The following DNAH9 variants were observed in gnomAD, a reference collection of about 807,000 sequenced individuals.
The protein encoded by DNAH9 is DNAH9 variant protein.
A neutral mutation model predicts 471.6 loss-of-function variants in DNAH9; 345 were observed. The observed-to-expected ratio is 0.73, with a 90% CI of 0.67 to 0.80. The LOEUF (loss-of-function observed/expected upper bound fraction) is 0.80. DNAH9 is among the 30% of genes least tolerant of loss of function. The probability of loss-of-function intolerance (pLI) is 0.00; values close to 1 mark genes in which losing one functional copy is unlikely to be tolerated. For missense variants in DNAH9, 5,407 were observed against 5,609.2 expected (o/e 0.96, Z 1.15); for synonymous variants, 2,093 against 2,123.6 (o/e 0.99, Z 0.40).
At chr17:11,885,593 T>C (rs1269516872) in intron 56 of DNAH9, among the ~76,000 whole-genome samples, 2 of 152,252 alleles carry the variant, frequency 1.3e-5, no homozygotes, top group African/African-American at 4.8e-5. Context: ...TAAATAACTA[T>C]ACTCTTATTT....
intron 61 of DNAH9, among the ~76,000 whole-genome samples, chr17:11,916,237 GC>G (rs1470703490): frequency 6.6e-6 from 1 of 152,120 alleles, no homozygotes; most frequent in Non-Finnish European, 1.5e-5. Context: ...CACGTAGTTT[GC>G]AGCTTCCTGT....
intron 60 of DNAH9, among the ~76,000 whole-genome samples, chr17:11,904,559 A>C (rs566632917): frequency 6.8e-4 from 97 of 142,796 alleles, no homozygotes; most frequent in African/African-American, 2.5e-3. Context: ...AACCTGGTGG[A>C]GGCGGATGTT....
At chr17:11,898,373 G>A (rs927534977) in intron 59 of DNAH9, among the ~76,000 whole-genome samples, 1 of 151,980 alleles carries the variant, frequency 6.6e-6, no homozygotes, top group African/African-American at 2.4e-5. Context: ...TGCCTGCCTC[G>A]GCCTCCCAAA....
At chr17:11,761,423 T>C in intron 35 of DNAH9, among the ~76,000 whole-genome samples, 1 of 152,340 alleles carries the variant, frequency 6.6e-6, no homozygotes, top group African/African-American at 2.4e-5. Flanking sequence ...TTTGATAGTT[T>C]TTGGGAGCTC....
chr17:11,900,165 T>G (rs1973359871), intron 59 of DNAH9, among the ~76,000 whole-genome samples: 1 of 151,272 alleles, frequency 6.6e-6, no homozygotes. Context: ...GTGGTGGTGC[T>G]GGGGCCAGAA....
intron 41 of DNAH9, among the ~76,000 whole-genome samples, chr17:11,792,871 G>A (rs1010396996): frequency 5.3e-5 from 8 of 152,278 alleles, no homozygotes; most frequent in South Asian, 4.2e-4. Flanking sequence ...GAAATGGGGC[G>A]TGTTTTCTCT....
chr17:11,939,472 TGG>T (rs1974826749), intron 66 of DNAH9, among the ~76,000 whole-genome samples: 1 of 152,174 alleles, frequency 6.6e-6, no homozygotes, highest in South Asian at 2.1e-4. Context: ...CAATGCTGTG[TGG>T]GACACGTGTG....
rs563814117 is a variant in DNAH9 at position 11,774,999 on chromosome 17, G to A, written c.7552+5670G>A. Among the ~76,000 whole-genome samples the A allele has an allele frequency of 2.0e-4, 30 of 152,092 alleles. 1 individual carries two copies. The East Asian group carries it at 2.9e-3, about 15-fold the overall frequency. ...CCGTCACCTCCAAACGTTTCCTCAC[G>A]TTCCTTTGTAATCCCTTCCTCCCAA... On this transcript the variant is annotated intron_variant, in intron 38 of 68. Coordinates refer to ENST00000262442, the MANE Select transcript of DNAH9 (RefSeq NM_001372.4).
chr17:11,853,923 C>G, intron 49 of DNAH9, 80 bp from the exon 50 acceptor site: 3 of 1,418,448 alleles, frequency 2.1e-6, no homozygotes, highest in Non-Finnish European at 2.9e-6. Context: ...ACCGATCGCT[C>G]CACAACCTAA....
chr17:11,701,016 G>C, intron 23 of DNAH9, 106 bp from the exon 24 acceptor site: 1 of 1,231,614 alleles, frequency 8.1e-7, no homozygotes, highest in East Asian at 2.4e-5. Flanking sequence ...TGTATACAAT[G>C]TGTGGGCTCC....
Position 11,738,792 on chromosome 17 carries a change from G to A in DNAH9, c.5815-88G>A, listed in dbSNP as rs1043238141. ...GGTCCACAGGACAGTTCTTCGTGCTGTGTGTGACTACAGGGTTCCAGCTTT... is the reference window on the plus strand; with the variant it reads ...GGTCCACAGGACAGTTCTTCGTGCTATGTGTGACTACAGGGTTCCAGCTTT... On this transcript the variant is annotated intron_variant, in intron 28 of 68. Transcript: ENST00000262442. 32 of 1,162,528 alleles carry A rather than the reference G, an allele frequency of 2.8e-5. No individual in the cohort carries two copies. In the Admixed American group the frequency reaches 3.7e-4, roughly 13 times the overall value. The allele number at this position is 1,162,528 out of a possible 1,614,324, so 72.0% of individuals were successfully genotyped here.
chr17:11,770,533 C>T (rs922516499), intron 38 of DNAH9, among the ~76,000 whole-genome samples: 2 of 152,180 alleles, frequency 1.3e-5, no homozygotes, highest in African/African-American at 4.8e-5. Flanking sequence ...CCCCCACCCG[C>T]CCTTCGATGG....
chr17:11,852,372 G>A (rs1005634995), intron 49 of DNAH9, among the ~76,000 whole-genome samples: 2 of 152,062 alleles, frequency 1.3e-5, no homozygotes, highest in Admixed American at 6.6e-5. Flanking sequence ...TACCTTTCAC[G>A]GATATTTCTT....
intron 35 of DNAH9, among the ~76,000 whole-genome samples, chr17:11,760,173 A>G (rs1967602955): frequency 6.6e-6 from 1 of 152,204 alleles, no homozygotes; most frequent in African/African-American, 2.4e-5. Context: ...GGTTGATTCC[A>G]TGACTTCGCT....
chr17:11,952,617 T>C (rs551628637), intron 67 of DNAH9, among the ~76,000 whole-genome samples: 2 of 152,252 alleles, frequency 1.3e-5, no homozygotes, highest in East Asian at 3.9e-4. Context: ...GTAGCTGTGT[T>C]TGCTAAAGAG....
At chr17:11,915,473 A>T (rs1973918843) in intron 61 of DNAH9, among the ~76,000 whole-genome samples, 1 of 152,152 alleles carries the variant, frequency 6.6e-6, no homozygotes. Flanking sequence ...GCAATGAGCC[A>T]AGATCGCACC....
At chr17:11,677,241 T>TA (rs1223267675) in intron 17 of DNAH9, among the ~76,000 whole-genome samples, 1 of 152,182 alleles carries the variant, frequency 6.6e-6, no homozygotes, top group African/African-American at 2.4e-5. Context: ...ATAATTGTAT[T>TA]AAAAATCTTC....
chr17:11,819,986 G>A (rs1970252631), intron 45 of DNAH9, among the ~76,000 whole-genome samples: 1 of 151,918 alleles, frequency 6.6e-6, no homozygotes, highest in East Asian at 1.9e-4. Flanking sequence ...ATGATAACAA[G>A]AAAACACAAT....
chr17:11,778,350 A>G (rs1264350498), intron 38 of DNAH9, among the ~76,000 whole-genome samples: 56 of 147,292 alleles, frequency 3.8e-4, no homozygotes, highest in African/African-American at 1.4e-3. Flanking sequence ...AAAAAAAAAA[A>G]AAAAAAAAAA....
Sources: allele counts gnomAD v4.1 joint callset (sites outside exome capture counted in the v4.1 genomes callset), GRCh38; gene constraint gnomAD v4.1.1; transcripts MANE v1.5; gene names NCBI Gene and HGNC (gene_info 2026-07-23, HGNC 2026-07-21).